The following RAD50 variants were observed in gnomAD, a reference collection of about 807,000 sequenced individuals.
RAD50 encodes DNA repair protein RAD50.
Under a neutral mutation model 168.8 loss-of-function variants are expected in RAD50, and 132 were observed. The observed-to-expected ratio is 0.78, with a 90% CI of 0.68 to 0.90. The LOEUF (loss-of-function observed/expected upper bound fraction) is 0.90, where lower values mean the gene tolerates loss of function less well. RAD50 is among the 40% of genes least tolerant of loss of function. RAD50 has a pLI of 0.00. For missense variants in RAD50, 1,347 were observed against 1,534.4 expected, an observed-to-expected ratio of 0.88 and a Z score of 2.04; for synonymous variants, 525 against 497.4, an observed-to-expected ratio of 1.06 and a Z score of -0.74.
rs1285027216 is a variant in RAD50, at chr5:132,579,470, G to A, written c.519G>A (p.Lys173=). The change falls in exon 4 of 25, where the codon AAG becomes AAA. Residue 173 remains lysine, a synonymous_variant. Transcript: ENST00000378823. ...CTTTAAGTGAAGGAAAGGCTTTGAAGCAAAAGTTTGATGAGATTTTTTCAG... is the reference window on the plus strand; with the variant it reads ...CTTTAAGTGAAGGAAAGGCTTTGAAACAAAAGTTTGATGAGATTTTTTCAG... ...NWPLSEGKAL[K]QKFDEIFSAT... 3 of 1,613,628 alleles carry A rather than the reference G, an allele frequency of 1.9e-6. No individual in the cohort carries two copies. Among genetic ancestry groups the A allele is most frequent in the African/African-American group, 1.3e-5 (1 of 74,896 alleles).
chr5:132,577,802 A>G (rs1275393404), intron 3 of RAD50, among the ~76,000 whole-genome samples: 1 of 84,380 alleles, frequency 1.2e-5, no homozygotes, highest in East Asian at 4.0e-4. Context: ...CCCATTTCTG[A>G]TTTTTTTTTT....
intron 21 of RAD50, among the ~76,000 whole-genome samples, chr5:132,630,225 G>A (rs1408705236): frequency 1.3e-5 from 2 of 152,046 alleles, no homozygotes; most frequent in African/African-American, 4.8e-5. Context: ...TGTATTTTTA[G>A]TAGAGACGGG....
At chr5:132,618,536 G>A (rs1345358774) in intron 21 of RAD50, among the ~76,000 whole-genome samples, 10 of 151,926 alleles carry the variant, frequency 6.6e-5, no homozygotes, top group African/African-American at 1.9e-4. Flanking sequence ...ATGCCACCAC[G>A]CTGGGCTAAT....
At position 132,603,994 on chromosome 5, in the gene RAD50, T is replaced by C; in HGVS notation, c.2472T>C (p.Thr824=). The change falls in exon 15 of 25, where the codon ACT becomes ACC. Residue 824 remains threonine, a synonymous_variant. Coordinates refer to ENST00000378823, the MANE Select transcript of RAD50 (RefSeq NM_005732.4). ...TACAAGGAATAGACTTAGATCGAAC[T>C]GTCCAACAAGTCAACCAGGAGAAAC... ...AKLQGIDLDR[T]VQQVNQEKQE... is the part of the protein sequence containing the mutation. 1 of 1,613,728 alleles carries C rather than the reference T, an allele frequency of 6.2e-7. No homozygotes were observed.
At chr5:132,562,073 C>T (rs748530884) in intron 2 of RAD50, among the ~76,000 whole-genome samples, 13 of 152,198 alleles carry the variant, frequency 8.5e-5, no homozygotes, top group Non-Finnish European at 1.6e-4. Context: ...GAAAACATTT[C>T]ATTCAGTCTA....
chr5:132,585,872 G>A (rs1750588062), intron 5 of RAD50, among the ~76,000 whole-genome samples: 1 of 152,120 alleles, frequency 6.6e-6, no homozygotes, highest in South Asian at 2.1e-4. Flanking sequence ...GGGATTACAG[G>A]TGTGAGCTAC....
intron 21 of RAD50, among the ~76,000 whole-genome samples, chr5:132,622,436 G>C (rs1410075782): frequency 8.5e-5 from 13 of 152,264 alleles, no homozygotes; most frequent in Admixed American, 7.8e-4. Context: ...TAGGATTACA[G>C]ATGCGAGCCA....
rs536787631 is a variant in RAD50 at position 132,599,269 on chromosome 5, G to A, written c.2207+3459G>A. On this transcript the variant is annotated intron_variant, in intron 13 of 24. Transcript: ENST00000378823. ...AAGGCCTACAGGAAGCACTGAAAAT[G>A]GACCAAGATGCTGGCAGGGCTGCTA... 2.6e-5 allele frequency among the ~76,000 whole-genome samples: 4 copies of A among 152,254 alleles called. No homozygotes were observed. The South Asian group carries it at 6.2e-4, about 24-fold the overall frequency.
At position 132,589,698 on chromosome 5, in the gene RAD50, G is replaced by T. The variant is rs549284516; in HGVS notation, c.1313G>T (p.Gly438Val). 6.2e-7 allele frequency: 1 copy of T among 1,612,536 alleles called. No individual in the cohort carries two copies. Residue 438 changes from glycine to valine, a missense_variant, in exon 9 of 25, where the codon GGA becomes GTA. By Grantham distance (109) the Gly-to-Val change is moderately radical. Coordinates refer to ENST00000378823, the MANE Select transcript of RAD50 (RefSeq NM_005732.4). ...GATGAGATAAGAGATAAGAAAACTGGACTGGGAAGAATAATTGAGTTAAAA... is the reference window on the plus strand; with the variant it reads ...GATGAGATAAGAGATAAGAAAACTGTACTGGGAAGAATAATTGAGTTAAAA... ...QIDEIRDKKT[G>V]LGRIIELKSE...
intron 2 of RAD50, among the ~76,000 whole-genome samples, chr5:132,570,271 G>T (rs974142964): frequency 1.3e-5 from 2 of 152,062 alleles, no homozygotes; most frequent in African/African-American, 2.4e-5. Context: ...CAAGAAAATG[G>T]GGGGGGAAAT....
rs1750079483 is a variant in RAD50 at position 132,559,346 on chromosome 5, T to TA, written c.193dup (p.Thr65AsnfsTer24). The stretch of plus-strand genomic sequence containing the variant: ...ATTTCCCTCCTGGAACCAAAGGAAA[T>TA]ACATTTGTACACGATCCCAAGGTAA... On this transcript the variant is annotated frameshift_variant, in exon 2 of 25. Coordinates refer to ENST00000378823, the MANE Select transcript of RAD50 (RefSeq NM_005732.4). LOFTEE classifies it high-confidence loss of function. 3 of 1,608,754 alleles carry TA rather than the reference T, an allele frequency of 1.9e-6. No individual in the cohort carries two copies. In the African/African-American group the frequency reaches 4.0e-5, roughly 21 times the overall value.
chr5:132,564,910 G>A (rs530927682), intron 2 of RAD50, among the ~76,000 whole-genome samples: 9 of 152,264 alleles, frequency 5.9e-5, no homozygotes, highest in South Asian at 2.1e-4. Flanking sequence ...CTGGGGTTGC[G>A]CAGAGAACAA....
At chr5:132,632,278 C>G (rs972833184) in intron 21 of RAD50, among the ~76,000 whole-genome samples, 1 of 152,218 alleles carries the variant, frequency 6.6e-6, no homozygotes, top group Non-Finnish European at 1.5e-5. Context: ...GGCTTCCCCA[C>G]GCTCCATAAC....
intron 16 of RAD50, among the ~76,000 whole-genome samples, chr5:132,607,871 T>C (rs978242574): frequency 3.9e-5 from 6 of 152,234 alleles, no homozygotes; most frequent in Non-Finnish European, 8.8e-5. Context: ...TAATTGTATC[T>C]ACCTCTATAG....
chr5:132,640,384 G>T lies in RAD50; in HGVS notation c.3619-288G>T, dbSNP rs1301330632. The stretch of plus-strand genomic sequence containing the variant: ...GCATTGTCTCTGTTTCTAGCCTTTG[G>T]TCTCAAGTTGGTTGTAGCTGATGTA... On this transcript the variant is annotated intron_variant, in intron 23 of 24. Transcript: ENST00000378823. 3.3e-5 allele frequency among the ~76,000 whole-genome samples: 5 copies of T among 152,190 alleles called. No individual in the cohort carries two copies. In the East Asian group the frequency reaches 9.6e-4, roughly 29 times the overall value.
chr5:132,630,153 C>T (rs1481861525), intron 21 of RAD50, among the ~76,000 whole-genome samples: 2 of 151,662 alleles, frequency 1.3e-5, no homozygotes, highest in African/African-American at 4.9e-5. Context: ...AGCAATTCTT[C>T]TGCCTCGGCC....
At position 132,643,734 on chromosome 5, in the gene RAD50, G is replaced by GGGGGGGGGGGGGC. The variant is rs2149868099; in HGVS notation, c.*1370_*1371insGGGGGGGGGGGGC. 2 of 177,116 alleles carry GGGGGGGGGGGGGC rather than the reference G, an allele frequency of 1.1e-5. No individual in the cohort carries two copies. The highest frequency in any genetic ancestry group is 2.4e-5 in the African/African-American group (1 of 41,488). The allele number at this position is 177,116 out of a possible 1,614,324, so 11.0% of individuals were successfully genotyped here. On this transcript the variant is annotated 3_prime_UTR_variant, in exon 25 of 25. Transcript: ENST00000378823. ...GGGGGTGGTGGTGGGGTGGGGGGGG[G>GGGGGGGGGGGGGC]TCCTAAATGTAATCACGAGTAAGAT...
At chr5:132,582,802 T>C (rs1163361410) in intron 5 of RAD50, among the ~76,000 whole-genome samples, 2 of 152,208 alleles carry the variant, frequency 1.3e-5, no homozygotes, top group African/African-American at 4.8e-5. Flanking sequence ...GTTTTTGTTA[T>C]TGTTGTCTGC....
chr5:132,630,894 A>G (rs948322003), intron 21 of RAD50: 1 of 152,176 alleles, frequency 6.6e-6, no homozygotes. Context: ...CTAAAAGCCT[A>G]GAACAAAACA....
Sources: allele counts gnomAD v4.1 joint callset (sites outside exome capture counted in the v4.1 genomes callset), GRCh38; gene constraint gnomAD v4.1.1; transcripts MANE v1.5; gene names NCBI Gene and HGNC (gene_info 2026-07-23, HGNC 2026-07-21).